The following MSI2 variants were observed in gnomAD, a reference collection of about 807,000 sequenced individuals.
The protein encoded by MSI2 is RNA-binding protein Musashi homolog 2.
A neutral mutation model predicts 45.6 loss-of-function variants in MSI2; 17 were observed. The observed-to-expected ratio is 0.37, with a 90% CI of 0.26 to 0.56. The LOEUF is 0.56. MSI2 is among the 20% of genes least tolerant of loss of function. The pLI is 0.77. For synonymous variants in MSI2, 156 were observed against 158.2 expected, an observed-to-expected ratio of 0.99 and a Z score of 0.11; for missense variants, 293 against 444.2, an observed-to-expected ratio of 0.66 and a Z score of 3.06.
chr17:57,379,329 C>G (rs2144015957), intron 5 of MSI2, among the ~76,000 whole-genome samples: 1 of 152,094 alleles, frequency 6.6e-6, no homozygotes, highest in East Asian at 1.9e-4. Context: ...TCCCGCCCAC[C>G]CTGGGCTGGG....
intron 5 of MSI2, among the ~76,000 whole-genome samples, chr17:57,295,577 G>A (rs1420412938): frequency 6.6e-6 from 1 of 152,136 alleles, no homozygotes; most frequent in Non-Finnish European, 1.5e-5. Context: ...ATCTGTTAAG[G>A]AATAGACTTA....
intron 6 of MSI2, among the ~76,000 whole-genome samples, chr17:57,499,192 A>G (rs988391792): frequency 1.3e-5 from 2 of 151,872 alleles, no homozygotes; most frequent in African/African-American, 4.8e-5. Context: ...CCTGGCCAAC[A>G]TGGCACAACC....
At chr17:57,409,410 G>A (rs757949049) in intron 6 of MSI2, among the ~76,000 whole-genome samples, 31 of 152,154 alleles carry the variant, frequency 2.0e-4, no homozygotes, top group South Asian at 6.2e-4. Flanking sequence ...AGGGAAAGCC[G>A]GCATTAATAA....
intron 5 of MSI2, among the ~76,000 whole-genome samples, chr17:57,323,892 T>G (rs1030503844): frequency 6.6e-6 from 1 of 152,236 alleles, no homozygotes. Flanking sequence ...ATGAGGAGCA[T>G]TCTTCCCACA....
chr17:57,324,008 A>G (rs977113379), intron 5 of MSI2, among the ~76,000 whole-genome samples: 8 of 152,140 alleles, frequency 5.3e-5, no homozygotes, highest in African/African-American at 1.9e-4. Context: ...GTCCTTAAGG[A>G]TCACACACAC....
chr17:57,647,671 G>A (rs1386286831), intron 10 of MSI2, among the ~76,000 whole-genome samples: 1 of 151,456 alleles, frequency 6.6e-6, no homozygotes, highest in South Asian at 2.1e-4. Flanking sequence ...TCGAGACAGA[G>A]TCTCGCTCTG....
Position 57,625,242 on chromosome 17 carries a change from AG to A in MSI2, c.653-1985del, listed in dbSNP as rs147472552. On this transcript the variant is annotated intron_variant, in intron 9 of 13. Transcript: ENST00000284073. ...CCCCAAGGGCATGGTTGGGGGCCAG[AG>A]GCAGGACTGGAACCCAGGTCTCCTG... Among the ~76,000 whole-genome samples the A allele has an allele frequency of 9.2e-3, 1,400 of 152,342 alleles. 22 individuals carry two copies. Among genetic ancestry groups the A allele is most frequent in the African/African-American group, 0.033 (1,365 of 41,582 alleles).
chr17:57,442,612 A>G (rs2084821083), intron 6 of MSI2, among the ~76,000 whole-genome samples: 1 of 152,086 alleles, frequency 6.6e-6, no homozygotes, highest in Non-Finnish European at 1.5e-5. Flanking sequence ...TTCTTCTGGG[A>G]AAAAACCCAC....
At chr17:57,694,132 A>C in the MSI2 span, among the ~76,000 whole-genome samples, 1 of 152,234 alleles carries the variant, frequency 6.6e-6, no homozygotes, top group South Asian at 2.1e-4. Context: ...CACATGGCCC[A>C]CAACACCTAA....
At position 57,682,259 on chromosome 17, in the gene MSI2, A is replaced by C. The variant is rs1274966375; in HGVS notation, c.*2742A>C. ...ATTTTAGCTGATCTGATGTGGTTTC[A>C]ACTAACCCAAGGTCTCACCATGTTA... On this transcript the variant is annotated 3_prime_UTR_variant, in exon 14 of 14. Transcript: ENST00000284073. The C allele has an allele frequency of 1.0e-5, 2 of 192,908 alleles. No individual in the cohort carries two copies. The highest frequency in any genetic ancestry group is 2.2e-5 in the Non-Finnish European group (2 of 92,794). The allele number at this position is 192,908 out of a possible 1,614,324, so 11.9% of individuals were successfully genotyped here.
chr17:57,409,735 A>G (rs1232745392), intron 6 of MSI2, among the ~76,000 whole-genome samples: 7 of 152,112 alleles, frequency 4.6e-5, no homozygotes, highest in Non-Finnish European at 8.8e-5. Context: ...GGGCACAGGC[A>G]CAGTGGCTCA....
At position 57,424,749 on chromosome 17, in the gene MSI2, T is replaced by C. The variant is rs112706636; in HGVS notation, c.405+23278T>C. ...GGGAGTTGCTGGGCCCCTGTCTGCCTTCTCGGGGTGCCTGTGGCCTCTGTG... is the reference window on the plus strand; with the variant it reads ...GGGAGTTGCTGGGCCCCTGTCTGCCCTCTCGGGGTGCCTGTGGCCTCTGTG... On this transcript the variant is annotated intron_variant, in intron 6 of 13. Transcript: ENST00000284073. Among the ~76,000 whole-genome samples the C allele has an allele frequency of 3.5e-3, 527 of 152,112 alleles. 4 individuals are homozygous for C. The highest frequency in any genetic ancestry group is 6.0e-3 in the Non-Finnish European group (411 of 67,964).
intron 5 of MSI2, among the ~76,000 whole-genome samples, chr17:57,320,934 C>A (rs1381697509): frequency 6.6e-6 from 1 of 152,040 alleles, no homozygotes; most frequent in African/African-American, 2.4e-5. Context: ...CTGCTCCCTG[C>A]CATGCTGCCT....
chr17:57,651,993 C>T, intron 10 of MSI2, 106 bp from the exon 11 acceptor site: 2 of 1,042,244 alleles, frequency 1.9e-6, no homozygotes, highest in Non-Finnish European at 3.0e-6. Context: ...CTTCCCACTC[C>T]TGTCTTTGTG....
intron 6 of MSI2, among the ~76,000 whole-genome samples, chr17:57,502,783 T>C (rs2086145113): frequency 6.6e-6 from 1 of 151,508 alleles, no homozygotes; most frequent in Non-Finnish European, 1.5e-5. Flanking sequence ...ACCGACCACC[T>C]ACCCTTCCCC....
At chr17:57,437,955 A>C (rs931878769) in intron 6 of MSI2, among the ~76,000 whole-genome samples, 4 of 152,260 alleles carry the variant, frequency 2.6e-5, no homozygotes, top group Admixed American at 2.0e-4. Flanking sequence ...AAAGCCGTGC[A>C]CATGCACCCG....
chr17:57,643,296 C>T (rs1052545818), intron 10 of MSI2, among the ~76,000 whole-genome samples: 21 of 152,206 alleles, frequency 1.4e-4, no homozygotes, highest in East Asian at 1.9e-4. Context: ...GCTCTCCCTC[C>T]GCAGCCCAAG....
chr17:57,520,802 C>T (rs2086567421), intron 6 of MSI2, among the ~76,000 whole-genome samples: 2 of 145,436 alleles, frequency 1.4e-5, no homozygotes, highest in African/African-American at 2.6e-5. Context: ...TACAGTTGTG[C>T]ACCACGACAC....
chr17:57,375,280 C>A (rs1048573715), intron 5 of MSI2, among the ~76,000 whole-genome samples: 2 of 152,108 alleles, frequency 1.3e-5, no homozygotes, highest in Non-Finnish European at 2.9e-5. Context: ...CAGCAGCCTT[C>A]CCAGGCCTCT....
Sources: gnomAD v4.1 joint callset for allele counts (sites outside exome capture counted in the v4.1 genomes callset) on GRCh38, gnomAD v4.1.1 for gene constraint, MANE v1.5 for transcripts, NCBI Gene and HGNC (gene_info 2026-07-23, HGNC 2026-07-21) for gene names.